Variants in TNRC6B observed in about 807,000 individuals in gnomAD.
TNRC6B encodes trinucleotide repeat containing adaptor 6B, also known as trinucleotide repeat-containing gene 6B protein.
A neutral mutation model predicts 203.6 loss-of-function variants in TNRC6B; 52 were observed. That is an observed-to-expected ratio of 0.26 (90% CI 0.20 to 0.32). The LOEUF (loss-of-function observed/expected upper bound fraction) is 0.32, where lower values mean the gene tolerates loss of function less well. TNRC6B is among the 10% of genes least tolerant of loss of function. The pLI is 1.00. For synonymous variants in TNRC6B, 838 were observed against 845.7 expected, an observed-to-expected ratio of 0.99 and a Z score of 0.16; for missense variants, 1,923 against 2,286.2, an observed-to-expected ratio of 0.84 and a Z score of 3.24.
At chr22:40,101,869 G>A (rs17001632) in intron 1 of TNRC6B, among the ~76,000 whole-genome samples, 8,688 of 152,120 alleles carry the variant, frequency 0.057, 798 homozygotes, top group African/African-American at 0.19. Context: ...AACCGGTGTC[G>A]CTTCTCTGGT....
At position 40,265,872 on chromosome 22, in the gene TNRC6B, G is replaced by A. The variant is rs764159082; in HGVS notation, c.1642G>A (p.Glu548Lys). The A allele has an allele frequency of 3.1e-6, 5 of 1,614,004 alleles. No homozygotes were observed. Among genetic ancestry groups the A allele is most frequent in the Non-Finnish European group, 2.5e-6 (3 of 1,179,894 alleles). Residue 548 changes from glutamate to lysine, a missense_variant, in exon 5 of 23, where the codon GAA becomes AAA. Physicochemically the swap from Glu to Lys is moderately conservative, Grantham distance 56. Transcript: ENST00000454349. Reference sequence around the variant, plus strand: ...CAATCAAAAGGGCCACCCCCTCCCTGAAAACCAAGGCAATGCCCAGGCTCC... The same window carrying A: ...CAATCAAAAGGGCCACCCCCTCCCTAAAAACCAAGGCAATGCCCAGGCTCC... Reference protein sequence around the residue: ...WDNQKGHPLPENQGNAQAPCW... With the variant: ...WDNQKGHPLPKNQGNAQAPCW...
At chr22:40,160,744 A>C (rs1044248399) in intron 4 of TNRC6B, among the ~76,000 whole-genome samples, 2 of 151,800 alleles carry the variant, frequency 1.3e-5, no homozygotes, top group Non-Finnish European at 2.9e-5. Context: ...TTTTGCTTTG[A>C]GTAGAAACAG....
At chr22:40,113,838 G>A (rs981502416) in intron 1 of TNRC6B, among the ~76,000 whole-genome samples, 5 of 152,118 alleles carry the variant, frequency 3.3e-5, no homozygotes, top group Admixed American at 6.5e-5. Flanking sequence ...CTGGTGTTGT[G>A]CTCCTCCCTC....
At chr22:40,259,465 A>G (rs573083616) in intron 3 of TNRC6B, among the ~76,000 whole-genome samples, 205 of 152,172 alleles carry the variant, frequency 1.3e-3, no homozygotes, top group African/African-American at 4.8e-3. Context: ...CCTGTGATCT[A>G]CCCACCTCGG....
intron 1 of TNRC6B, among the ~76,000 whole-genome samples, chr22:40,196,576 T>C (rs2069339766): frequency 6.6e-6 from 1 of 152,062 alleles, no homozygotes; most frequent in South Asian, 2.1e-4. Context: ...TCCTAGAATA[T>C]TTCTATTCTC....
intron 4 of TNRC6B, among the ~76,000 whole-genome samples, chr22:40,172,367 G>A (rs2069009440): frequency 6.6e-6 from 1 of 152,210 alleles, no homozygotes; most frequent in South Asian, 2.1e-4. Context: ...CTTCACTGCT[G>A]CATCCCTAGC....
upstream of TNRC6B, among the ~76,000 whole-genome samples, chr22:40,173,789 A>ATTTTTTT (rs1569007712): frequency 2.3e-5 from 1 of 43,080 alleles, no homozygotes. Context: ...ATATATATAT[A>ATTTTTTT]TATATTTTTT....
At position 40,330,393 on chromosome 22, in the gene TNRC6B, T is replaced by C. The variant is rs1218918061; in HGVS notation, c.*7152T>C. On this transcript the variant is annotated 3_prime_UTR_variant, in exon 23 of 23. Coordinates refer to ENST00000454349, the MANE Select transcript of TNRC6B (RefSeq NM_001162501.2). ...ACTCCCAGAGGGGTGGCTGTAAAAG[T>C]TGACTGGAGGCAAAGTGGAGTGGCC... 1 of 152,168 alleles carries C rather than the reference T, an allele frequency of 6.6e-6. No homozygotes were observed. Among genetic ancestry groups the C allele is most frequent in the Non-Finnish European group, 1.5e-5 (1 of 68,050 alleles). 9.4% of individuals were successfully genotyped at this position (152,168 alleles called of 1,614,324 possible). A position where few individuals can be genotyped will look rare whatever the true frequency, so the allele number is the denominator to read the frequency against.
chr22:40,301,175 AGC>A lies in TNRC6B; in HGVS notation c.3963_3964del (p.Gln1322AlafsTer75). 3.9e-6 allele frequency: 3 copies of A among 774,218 alleles called. No homozygotes were observed. Among genetic ancestry groups the A allele is most frequent in the Non-Finnish European group, 5.2e-6 (3 of 578,304 alleles). The allele number at this position is 774,218 out of a possible 1,614,324, so 48.0% of individuals were successfully genotyped here. On this transcript the variant is annotated frameshift_variant, in exon 15 of 23. Coordinates refer to ENST00000454349, the MANE Select transcript of TNRC6B (RefSeq NM_001162501.2). LOFTEE classifies it high-confidence loss of function. The stretch of plus-strand genomic sequence containing the variant: ...CTGGCTCGAATGGTGAGTGCACTGC[AGC>A]AGCAGCAGCAGCAGCAGCAGAGGCA...
chr22:40,208,133 CAAAA>C (rs1399436419), intron 1 of TNRC6B, among the ~76,000 whole-genome samples: 1 of 108,970 alleles, frequency 9.2e-6, no homozygotes, highest in Non-Finnish European at 2.1e-5. Context: ...AAAAAAAAAA[CAAAA>C]AAACAAGAAA....
chr22:40,173,288 G>A (rs979834679), upstream of TNRC6B, among the ~76,000 whole-genome samples: 26 of 151,872 alleles, frequency 1.7e-4, no homozygotes, highest in African/African-American at 5.3e-4. Context: ...GTAGAGACGG[G>A]GTTTCACCAT....
At chr22:40,278,129 A>G (rs2070672497) in intron 9 of TNRC6B, 85 bp downstream of exon 9, 2 of 1,039,522 alleles carry the variant, frequency 1.9e-6, no homozygotes, top group African/African-American at 1.6e-5. Context: ...GATTAGGGAT[A>G]GGTGCAGTTC....
chr22:40,065,226 A>G (rs1024883889), intron 1 of TNRC6B, among the ~76,000 whole-genome samples: 4 of 152,060 alleles, frequency 2.6e-5, no homozygotes, highest in Non-Finnish European at 4.4e-5. Flanking sequence ...AGCCCACTGT[A>G]ACCTTGAACT....
chr22:40,312,467 C>T (rs184103867), intron 17 of TNRC6B, 38 bp from the exon 18 acceptor site: 56 of 1,566,208 alleles, frequency 3.6e-5, no homozygotes, highest in East Asian at 2.3e-4. Context: ...TTTTTTTTAA[C>T]GACCTTCCTT....
chr22:40,163,716 G>T (rs1249485598), intron 4 of TNRC6B, among the ~76,000 whole-genome samples: 2 of 151,616 alleles, frequency 1.3e-5, no homozygotes, highest in African/African-American at 4.8e-5. Context: ...AGCCAAGATG[G>T]CATCATTGCA....
chr22:40,104,495 T>A (rs1013313264), intron 1 of TNRC6B, among the ~76,000 whole-genome samples: 8 of 152,046 alleles, frequency 5.3e-5, no homozygotes, highest in African/African-American at 1.9e-4. Flanking sequence ...AAATTTGGAG[T>A]CAGTTTATTC....
intron 1 of TNRC6B, among the ~76,000 whole-genome samples, chr22:40,218,607 TAGG>T (rs1444437103): frequency 6.6e-6 from 1 of 152,156 alleles, no homozygotes; most frequent in Non-Finnish European, 1.5e-5. Flanking sequence ...GGACTACAGA[TAGG>T]AGCCACTGCA....
At chr22:40,220,482 G>A (rs536545042) in intron 1 of TNRC6B, among the ~76,000 whole-genome samples, 1 of 152,070 alleles carries the variant, frequency 6.6e-6, no homozygotes, top group African/African-American at 2.4e-5. Flanking sequence ...TGGGGAGGAG[G>A]GGGGGAGGGG....
chr22:40,152,634 G>A (rs902563243), intron 3 of TNRC6B, among the ~76,000 whole-genome samples: 9 of 150,554 alleles, frequency 6.0e-5, no homozygotes, highest in Admixed American at 3.3e-4. Flanking sequence ...GGCCACACCC[G>A]GCTAATTTTT....
Sources: gnomAD v4.1 joint callset for allele counts (sites outside exome capture counted in the v4.1 genomes callset) on GRCh38, gnomAD v4.1.1 for gene constraint, MANE v1.5 for transcripts, NCBI Gene and HGNC (gene_info 2026-07-23, HGNC 2026-07-21) for gene names.